DNAH17: variants seen among roughly 807,000 people sequenced by gnomAD.
DNAH17 encodes the protein axonemal beta dynein heavy chain 17.
DNAH17 carries 376 observed loss-of-function variants against 485.6 expected under a neutral mutation model. That is an observed-to-expected ratio of 0.77 (90% confidence interval 0.71 to 0.84). The LOEUF (loss-of-function observed/expected upper bound fraction) is 0.84, where lower values mean the gene tolerates loss of function less well. DNAH17 is among the 40% of genes least tolerant of loss of function. DNAH17 has a pLI of 0.00. For missense variants in DNAH17, 6,370 were observed against 5,839.3 expected (o/e 1.09, Z -2.96); for synonymous variants, 3,031 against 2,405.9 (o/e 1.26, Z -7.60).
At chr17:78,514,503 C>CAAAAAAAAAAA in intron 26 of DNAH17, among the ~76,000 whole-genome samples, 1 of 112,154 alleles carries the variant, frequency 8.9e-6, no homozygotes, top group Non-Finnish European at 1.7e-5. Flanking sequence ...GACTCCGTCT[C>CAAAAAAAAAAA]AAAAAAAAAA....
intron 42 of DNAH17, among the ~76,000 whole-genome samples, chr17:78,491,795 G>A (rs979180457): frequency 6.6e-5 from 10 of 152,058 alleles, no homozygotes; most frequent in African/African-American, 2.2e-4. Context: ...GTCCTCCTCC[G>A]ACCCTGCACC....
chr17:78,490,557 C>A lies in DNAH17; in HGVS notation c.6818+142G>T, dbSNP rs914630074. ...TATTCCCAGGTCTCTCACCCCTTCA[C>A]TGCTGTGACACTGGTGCCTGGTGAG... On this transcript the variant is annotated intron_variant, in intron 44 of 80. Coordinates refer to ENST00000389840, the MANE Select transcript of DNAH17 (RefSeq NM_173628.4). 6.4e-6 allele frequency: 8 copies of A among 1,244,192 alleles called. No homozygotes were observed. The East Asian group carries it at 2.1e-4, about 32-fold the overall frequency. 77.1% of individuals were successfully genotyped at this position (1,244,192 alleles called of 1,614,324 possible). A position where few individuals can be genotyped will look rare whatever the true frequency, so the allele number is the denominator to read the frequency against.
At chr17:78,530,186 G>C (rs534694107) in intron 21 of DNAH17, among the ~76,000 whole-genome samples, 157 bp downstream of exon 21, 291 of 152,326 alleles carry the variant, frequency 1.9e-3, no homozygotes, top group African/African-American at 6.9e-3. Context: ...ACACCTTTCT[G>C]CTCACGCTTG....
At chr17:78,566,493 C>T in intron 11 of DNAH17, 121 bp downstream of exon 11, 1 of 730,876 alleles carries the variant, frequency 1.4e-6, no homozygotes, top group Non-Finnish European at 2.3e-6. Flanking sequence ...GACGGGCCCT[C>T]CCTCCCTGGA....
intron 2 of DNAH17, among the ~76,000 whole-genome samples, chr17:78,573,632 AG>A (rs1408908710): frequency 1.3e-5 from 2 of 151,436 alleles, no homozygotes; most frequent in Non-Finnish European, 2.9e-5. Flanking sequence ...AATTAAAATC[AG>A]ATTACTAGGG....
intron 30 of DNAH17, among the ~76,000 whole-genome samples, chr17:78,506,292 C>A (rs1303699374): frequency 6.6e-6 from 1 of 151,692 alleles, no homozygotes; most frequent in Non-Finnish European, 1.5e-5. Context: ...CAGGTGTGAG[C>A]CACTGTGCCT....
chr17:78,538,309 G>A (rs905534099), intron 18 of DNAH17, among the ~76,000 whole-genome samples: 3 of 152,290 alleles, frequency 2.0e-5, no homozygotes, highest in Non-Finnish European at 4.4e-5. Flanking sequence ...GGAGGCCCCT[G>A]TGAGGCTGCA....
chr17:78,571,608 G>A lies in DNAH17; in HGVS notation c.714C>T (p.Leu238=). 6.2e-7 allele frequency: 1 copy of A among 1,613,942 alleles called. No individual in the cohort carries two copies. Among genetic ancestry groups the A allele is most frequent in the African/African-American group, 1.3e-5 (1 of 75,058 alleles). ...GCCGTACCTGTTCATGGATGCACTT[G>A]AGGTTCAGCAGCCGAGTGTCCCAGA... ...FEFWDTRLLN[L]KCIHEQLNRP... is the part of the protein sequence containing the mutation. The change falls in exon 4 of 81, where the codon CTC becomes CTT. Residue 238 remains leucine, a synonymous_variant. Transcript: ENST00000389840.
chr17:78,567,604 G>T (rs527915647), intron 9 of DNAH17, among the ~76,000 whole-genome samples: 3 of 152,288 alleles, frequency 2.0e-5, no homozygotes, highest in East Asian at 3.9e-4. Context: ...CCTATGCAGA[G>T]TGCCGTGTCC....
intron 56 of DNAH17, among the ~76,000 whole-genome samples, chr17:78,465,458 C>T (rs1598498198): frequency 1.4e-5 from 2 of 145,584 alleles, no homozygotes; most frequent in African/African-American, 5.1e-5. Context: ...CGTCTCCGCC[C>T]GGCTGCCATC....
At chr17:78,556,706 G>A (rs2092030898) in intron 14 of DNAH17, among the ~76,000 whole-genome samples, 1 of 152,092 alleles carries the variant, frequency 6.6e-6, no homozygotes. Flanking sequence ...GATTGTACAG[G>A]GATGTTTGTA....
Position 78,532,766 on chromosome 17 carries a change from G to A in DNAH17, c.2860-30C>T, listed in dbSNP as rs1220381489. On this transcript the variant is annotated intron_variant, in intron 19 of 80. Transcript: ENST00000389840. ...AAGGGGCAGGGGAGAAGCAAAAAGG[G>A]GAGGTATGTTGCCTGGTTCATAATT... The A allele has an allele frequency of 3.2e-6, 5 of 1,557,908 alleles. 1 individual carries two copies. In the South Asian group the frequency reaches 4.8e-5, roughly 15 times the overall value.
chr17:78,438,425 AAGGAGGAGGAGGAGGAGGAGGGAGGAGGG>A (rs2086927095), intron 73 of DNAH17, among the ~76,000 whole-genome samples: 1 of 5,140 alleles, frequency 1.9e-4, no homozygotes, highest in Admixed American at 2.3e-3. Context: ...AAGTGAGGAG[AAGGAGGAGGAGGAGGAGGAGGGAGGAGGG>A]AGGAGGAGGA....
chr17:78,460,222 G>A lies in DNAH17; in HGVS notation c.9375C>T (p.Asp3125=), dbSNP rs2088032287. ...VTEKQKACET[D]LAKAEPALLA... is the part of the protein sequence containing the mutation. Reference sequence around the variant, plus strand: ...GCAGGGCCGGTTCTGCTTTGGCCAGGTCTGTTTCACAGGCCTTTTGCTTCT... The same window carrying A: ...GCAGGGCCGGTTCTGCTTTGGCCAGATCTGTTTCACAGGCCTTTTGCTTCT... Residue 3125 remains aspartate (D), a synonymous_variant, in exon 59 of 81, where the codon GAC becomes GAT. Transcript: ENST00000389840. 1.2e-6 allele frequency: 2 copies of A among 1,606,918 alleles called. No homozygotes were observed. The highest frequency in any genetic ancestry group is 1.7e-6 in the Non-Finnish European group (2 of 1,176,246).
intron 27 of DNAH17, among the ~76,000 whole-genome samples, chr17:78,508,836 G>T (rs1391138692): frequency 1.3e-5 from 2 of 151,778 alleles, no homozygotes; most frequent in Admixed American, 6.6e-5. Flanking sequence ...TAGGGACAGG[G>T]TCCAGCCCAG....
chr17:78,445,316 C>G lies in DNAH17; in HGVS notation c.11334+242G>C, dbSNP rs374542508. On this transcript the variant is annotated intron_variant, in intron 70 of 80. Transcript: ENST00000389840. ...GGCCCCCAGAGGATATCACTCTCTG[C>G]TTGCTGTGTGCAGGTCTCAGGGACC... 4.3e-4 allele frequency among the ~76,000 whole-genome samples: 65 copies of G among 152,074 alleles called. No individual in the cohort carries two copies. In the East Asian group the frequency reaches 0.011, roughly 25 times the overall value.
At chr17:78,511,630 C>T (rs691043) in intron 26 of DNAH17, among the ~76,000 whole-genome samples, 99,234 of 152,166 alleles carry the variant, frequency 0.65, 33,048 homozygotes, top group East Asian at 0.92. Flanking sequence ...ATCGCTTCCA[C>T]GTCCCTTGTC....
intron 20 of DNAH17, among the ~76,000 whole-genome samples, chr17:78,532,152 G>A (rs77351533): frequency 1.3e-5 from 2 of 152,206 alleles, no homozygotes; most frequent in East Asian, 3.9e-4. Flanking sequence ...ATTCAAACTT[G>A]CCAACCCTAA....
intron 51 of DNAH17, 50 bp downstream of exon 51, chr17:78,478,975 C>T: frequency 6.6e-7 from 1 of 1,517,276 alleles, no homozygotes; most frequent in Non-Finnish European, 9.1e-7. Context: ...ACCTGTGGAT[C>T]AGGCACTGGA....
Sources: allele counts gnomAD v4.1 joint callset (sites outside exome capture counted in the v4.1 genomes callset), GRCh38; gene constraint gnomAD v4.1.1; transcripts MANE v1.5; gene names NCBI Gene and HGNC (gene_info 2026-07-23, HGNC 2026-07-21).